Variants in IVD observed in about 807,000 individuals in gnomAD.
The protein encoded by IVD is isovaleryl-CoA dehydrogenase, mitochondrial.
A neutral mutation model predicts 51.3 loss-of-function variants in IVD; 31 were observed. The ratio of observed to expected loss-of-function variants is 0.60; its 90% CI spans 0.45 to 0.81. The LOEUF (loss-of-function observed/expected upper bound fraction) is 0.81. Ranked by LOEUF, IVD falls within the 40% of genes least tolerant of loss-of-function variation. The probability of loss-of-function intolerance (pLI) is 0.00; values close to 1 mark genes in which losing one functional copy is unlikely to be tolerated. For synonymous variants in IVD, 205 were observed against 219.4 expected (o/e 0.93, Z 0.58); for missense variants, 475 against 552.0 (o/e 0.86, Z 1.40).
chr15:40,427,363 G>A (rs1049569471), downstream of IVD, among the ~76,000 whole-genome samples: 2 of 152,226 alleles, frequency 1.3e-5, no homozygotes, highest in Admixed American at 6.5e-5. Context: ...TGTCAGACAC[G>A]CTGCAGGAGC....
rs187800671 is a variant in IVD, at chr15:40,431,652, G to A, written c.720-2202G>A. On this transcript the variant is annotated intron_variant, in intron 7 of 8. Coordinates refer to the IVD transcript ENST00000473112. Reference sequence around the variant, plus strand: ...AGAGCTTGCAGTGAGCTGAGATCACGCCACTGCACTCCAGCCTGGGCTACA... The same window carrying A: ...AGAGCTTGCAGTGAGCTGAGATCACACCACTGCACTCCAGCCTGGGCTACA... 1.7e-3 allele frequency among the ~76,000 whole-genome samples: 257 copies of A among 151,242 alleles called. 2 individuals carry two copies. Among genetic ancestry groups the A allele is most frequent in the African/African-American group, 5.8e-3 (240 of 41,156 alleles).
chr15:40,424,096 G>A, downstream of IVD: 2 of 1,217,750 alleles, frequency 1.6e-6, no homozygotes, highest in South Asian at 1.3e-5. Flanking sequence ...AATACTTCCT[G>A]GATCTTAACA....
At chr15:40,411,238 C>T (rs1428865272) in intron 4 of IVD, 22 bp from the exon 5 acceptor site, 2 of 1,612,240 alleles carry the variant, frequency 1.2e-6, no homozygotes, top group Admixed American at 3.3e-5. Flanking sequence ...GTAACAAGGC[C>T]TGTTGGGGGT....
At chr15:40,425,703 T>G (rs1285528561), downstream of IVD, among the ~76,000 whole-genome samples, 1 of 151,954 alleles carries the variant, frequency 6.6e-6, no homozygotes, top group African/African-American at 2.4e-5. Context: ...TTGTATTTTT[T>G]GTAGAGATGG....
intron 7 of IVD, among the ~76,000 whole-genome samples, chr15:40,413,643 G>C (rs1891323439): frequency 6.6e-6 from 1 of 151,232 alleles, no homozygotes; most frequent in East Asian, 2.0e-4. Flanking sequence ...CCAGACCAGG[G>C]GCATGGATTT....
Position 40,421,064 on chromosome 15 carries a change from C to A in IVD, c.*2801C>A. The A allele has an allele frequency of 2.0e-6, 2 of 985,464 alleles. No individual in the cohort carries two copies. Among genetic ancestry groups the A allele is most frequent in the Non-Finnish European group, 2.4e-6 (2 of 829,956 alleles). 61.0% of individuals were successfully genotyped at this position (985,464 alleles called of 1,614,324 possible). A position where few individuals can be genotyped will look rare whatever the true frequency, so the allele number is the denominator to read the frequency against. ...CATCCTGAGGGCAAGATCCTGGGCT[C>A]ATAGGCAGTCCCTTTCACTTCCTTG... On this transcript the variant is annotated 3_prime_UTR_variant, in exon 12 of 12. Transcript: ENST00000487418.
At chr15:40,416,855 C>G (rs1466523597) in intron 11 of IVD, among the ~76,000 whole-genome samples, 1 of 152,158 alleles carries the variant, frequency 6.6e-6, no homozygotes, top group Admixed American at 6.6e-5. Flanking sequence ...CTGCTGCCTT[C>G]GGCAACACCC....
At chr15:40,432,202 C>G (rs2141435077) in intron 7 of IVD, among the ~76,000 whole-genome samples, 1 of 152,306 alleles carries the variant, frequency 6.6e-6, no homozygotes, top group South Asian at 2.1e-4. Flanking sequence ...CCTCGGCCCC[C>G]CAAAGTGCTG....
intron 5 of IVD, 61 bp from the exon 6 acceptor site, chr15:40,411,494 C>G: frequency 6.2e-7 from 1 of 1,611,286 alleles, no homozygotes; most frequent in South Asian, 1.1e-5. Context: ...AGCAGAAGGT[C>G]TATGGCCTGG....
intron 7 of IVD, among the ~76,000 whole-genome samples, chr15:40,433,008 G>C (rs1410927712): frequency 6.6e-6 from 1 of 152,200 alleles, no homozygotes; most frequent in East Asian, 1.9e-4. Flanking sequence ...CTAATGTTCT[G>C]GGGGCACTTG....
intron 6 of IVD, 169 bp from the exon 7 acceptor site, chr15:40,412,822 G>T: frequency 1.6e-6 from 1 of 625,542 alleles, no homozygotes; most frequent in Non-Finnish European, 2.9e-6. Context: ...TCAATCTGGG[G>T]CGTTAGCACC....
At chr15:40,412,568 C>T (rs147018665) in intron 6 of IVD, 23 of 228,166 alleles carry the variant, frequency 1.0e-4, no homozygotes, top group East Asian at 9.7e-4. Context: ...ACCCAGTAGT[C>T]CAGGTCAAAG....
downstream of IVD, among the ~76,000 whole-genome samples, chr15:40,426,394 C>T (rs1023239369): frequency 1.3e-5 from 2 of 151,766 alleles, no homozygotes; most frequent in East Asian, 1.9e-4. Flanking sequence ...AAAAATTAGC[C>T]GGGTGTGGTG....
At chr15:40,414,082 C>T (rs1891389121) in intron 7 of IVD, among the ~76,000 whole-genome samples, 2 of 152,162 alleles carry the variant, frequency 1.3e-5, no homozygotes, top group Admixed American at 1.3e-4. Flanking sequence ...TGCTCTCGAA[C>T]TCCTGACCTC....
At chr15:40,425,832 C>T (rs1892639980), downstream of IVD, among the ~76,000 whole-genome samples, 1 of 151,716 alleles carries the variant, frequency 6.6e-6, no homozygotes, top group Admixed American at 6.6e-5. Context: ...GTTTTTGAGA[C>T]AGGGCCTCAC....
chr15:40,418,513 T>C lies in IVD; in HGVS notation c.*250T>C. The C allele has an allele frequency of 3.8e-6, 5 of 1,313,028 alleles. No individual in the cohort carries two copies. In the South Asian group the frequency reaches 7.5e-5, roughly 20 times the overall value. 81.3% of individuals were successfully genotyped at this position (1,313,028 alleles called of 1,614,324 possible). ...CAGCAGGAAGCATATTGTCTGGGGA[T>C]TGTTGGGACAGGTTTTGGTGACTCT... On this transcript the variant is annotated 3_prime_UTR_variant, in exon 12 of 12. Coordinates refer to ENST00000487418, the MANE Select transcript of IVD (RefSeq NM_002225.5).
downstream of IVD, among the ~76,000 whole-genome samples, chr15:40,425,439 ACTATAT>A (rs1486019757): frequency 2.0e-3 from 144 of 73,490 alleles, 1 homozygote; most frequent in African/African-American, 5.9e-3. Context: ...CTGGACTCAT[ACTATAT>A]ATATATATAT....
downstream of IVD, among the ~76,000 whole-genome samples, chr15:40,425,774 C>T (rs1014980692): frequency 2.6e-5 from 4 of 151,940 alleles, no homozygotes; most frequent in East Asian, 3.9e-4. Context: ...CTGCCTGCCT[C>T]AGCCTCCCAA....
chr15:40,411,476 T>G lies in IVD; in HGVS notation c.551-79T>G, dbSNP rs1479563913. 3.1e-6 allele frequency: 5 copies of G among 1,608,146 alleles called. No homozygotes were observed. In the African/African-American group the frequency reaches 4.0e-5, roughly 13 times the overall value. ...AGAACTTTCTCAAAGGTGGACAGCTTCTTGCTCAGCAGAAGGTCTATGGCC... is the reference window on the plus strand; with the variant it reads ...AGAACTTTCTCAAAGGTGGACAGCTGCTTGCTCAGCAGAAGGTCTATGGCC... On this transcript the variant is annotated intron_variant, in intron 5 of 11. Transcript: ENST00000487418.
Sources: allele counts gnomAD v4.1 joint callset (sites outside exome capture counted in the v4.1 genomes callset), GRCh38; gene constraint gnomAD v4.1.1; transcripts MANE v1.5; gene names NCBI Gene and HGNC (gene_info 2026-07-23, HGNC 2026-07-21).